Variants in CADM2 observed in about 807,000 individuals in gnomAD.
CADM2 encodes cell adhesion molecule 2, also known as immunoglobulin superfamily member 4D.
CADM2 carries 12 observed loss-of-function variants against 49.8 expected under a neutral mutation model. The ratio of observed to expected loss-of-function variants is 0.24; its 90% CI spans 0.15 to 0.39. The LOEUF (loss-of-function observed/expected upper bound fraction) is 0.39. CADM2 is among the 10% of genes least tolerant of loss of function. The pLI, the probability that CADM2 is intolerant of heterozygous loss-of-function variation, is 1.00. For synonymous variants in CADM2, 214 were observed against 175.4 expected (o/e 1.22, Z -1.74); for missense variants, 378 against 492.3 (o/e 0.77, Z 2.20).
chr3:85,501,178 G>T (rs1372585253), intron 1 of CADM2, among the ~76,000 whole-genome samples: 2 of 151,966 alleles, frequency 1.3e-5, no homozygotes, highest in African/African-American at 4.8e-5. Context: ...TAATGATTTG[G>T]TCAAAGCAAA....
intron 1 of CADM2, among the ~76,000 whole-genome samples, chr3:85,442,557 A>G (rs1342654064): frequency 1.4e-5 from 2 of 146,584 alleles, no homozygotes; most frequent in African/African-American, 5.1e-5. Flanking sequence ...ATAAAAGTCC[A>G]CATTCTATTT....
At chr3:85,515,487 G>A (rs2060872551) in intron 1 of CADM2, among the ~76,000 whole-genome samples, 1 of 147,384 alleles carries the variant, frequency 6.8e-6, no homozygotes, top group Non-Finnish European at 1.5e-5. Flanking sequence ...GCAGTGACAT[G>A]ATCTCGGCTC....
At chr3:85,602,422 T>G (rs1036712637) in intron 1 of CADM2, among the ~76,000 whole-genome samples, 10 of 151,848 alleles carry the variant, frequency 6.6e-5, no homozygotes, top group Non-Finnish European at 1.0e-4. Flanking sequence ...TGGAAAAGAT[T>G]ACGACTCTTC....
chr3:85,064,743 T>C (rs1337705700), intron 1 of CADM2, among the ~76,000 whole-genome samples: 5 of 152,142 alleles, frequency 3.3e-5, no homozygotes, highest in African/African-American at 4.8e-5. Flanking sequence ...CTAGATCATA[T>C]TGAAGTAGTT....
At chr3:85,044,077 G>C (rs1034533224) in intron 1 of CADM2, among the ~76,000 whole-genome samples, 1 of 152,034 alleles carries the variant, frequency 6.6e-6, no homozygotes, top group Non-Finnish European at 1.5e-5. Flanking sequence ...AGTAGGGAAA[G>C]GAACTAGATC....
chr3:85,014,008 G>T (rs1248901040), intron 1 of CADM2, among the ~76,000 whole-genome samples: 2 of 134,894 alleles, frequency 1.5e-5, no homozygotes, highest in Non-Finnish European at 3.2e-5. Flanking sequence ...TAATAATATT[G>T]TATATTATAT....
At chr3:85,199,209 A>G (rs995760597) in intron 1 of CADM2, among the ~76,000 whole-genome samples, 6 of 152,024 alleles carry the variant, frequency 3.9e-5, no homozygotes, top group African/African-American at 1.2e-4. Context: ...TACATGAGCA[A>G]TTGGTGAGAA....
chr3:85,499,661 T>C (rs1485999553), intron 1 of CADM2, among the ~76,000 whole-genome samples: 1 of 152,086 alleles, frequency 6.6e-6, no homozygotes, highest in African/African-American at 2.4e-5. Flanking sequence ...TTGATTTGGA[T>C]TCATGTACCT....
At chr3:85,604,482 C>T (rs1402201205) in intron 1 of CADM2, among the ~76,000 whole-genome samples, 1 of 151,932 alleles carries the variant, frequency 6.6e-6, no homozygotes, top group Non-Finnish European at 1.5e-5. Context: ...ATGTGAAACT[C>T]TGTGTTTGTG....
intron 1 of CADM2, among the ~76,000 whole-genome samples, chr3:85,109,749 T>G (rs1359633408): frequency 6.6e-6 from 1 of 151,984 alleles, no homozygotes; most frequent in East Asian, 1.9e-4. Context: ...TATGTAAAAT[T>G]TATAGTACAG....
intron 6 of CADM2, among the ~76,000 whole-genome samples, chr3:85,920,578 A>G (rs1371388621): frequency 6.6e-6 from 1 of 151,792 alleles, no homozygotes; most frequent in African/African-American, 2.4e-5. Context: ...AATTTTTTTC[A>G]GAGAAGTTAC....
At chr3:85,386,278 T>C (rs1455192292) in intron 1 of CADM2, among the ~76,000 whole-genome samples, 1 of 152,062 alleles carries the variant, frequency 6.6e-6, no homozygotes, top group African/African-American at 2.4e-5. Context: ...CATTTATAAA[T>C]AGGTAGAGAT....
intron 1 of CADM2, among the ~76,000 whole-genome samples, chr3:85,689,496 A>T (rs1471668451): frequency 6.6e-6 from 1 of 152,240 alleles, no homozygotes; most frequent in Non-Finnish European, 1.5e-5. Context: ...TATGCATCAC[A>T]GAGGACAGAT....
At chr3:85,374,850 C>T (rs7613186) in intron 1 of CADM2, among the ~76,000 whole-genome samples, 5,896 of 152,196 alleles carry the variant, frequency 0.039, 389 homozygotes, top group African/African-American at 0.13. Flanking sequence ...CCACCAGGTT[C>T]CTCCCATGAC....
chr3:85,782,813 C>G (rs9309991), intron 2 of CADM2, among the ~76,000 whole-genome samples: 22,021 of 151,784 alleles, frequency 0.15, 2,019 homozygotes, highest in Non-Finnish European at 0.2. Context: ...GTAATAAAAC[C>G]AAGTCTTAGA....
chr3:85,809,790 C>CTTTCTTTCTTTCTT (rs542554365), intron 3 of CADM2, among the ~76,000 whole-genome samples: 1 of 98,890 alleles, frequency 1.0e-5, no homozygotes, highest in Non-Finnish European at 2.0e-5. Flanking sequence ...CTCTCTCTCT[C>CTTTCTTTCTTTCTT]TCTTTCTTTC....
intron 1 of CADM2, among the ~76,000 whole-genome samples, chr3:85,061,866 C>T (rs1209911878): frequency 6.6e-6 from 1 of 151,928 alleles, no homozygotes; most frequent in Non-Finnish European, 1.5e-5. Flanking sequence ...ACTTTCTTCC[C>T]TTCTGAATCT....
intron 1 of CADM2, among the ~76,000 whole-genome samples, chr3:85,087,224 C>T (rs1379131759): frequency 1.3e-5 from 2 of 152,078 alleles, no homozygotes; most frequent in Admixed American, 6.6e-5. Context: ...CTGACTGTCT[C>T]AAGGGCTTTA....
At chr3:86,045,231 G>A (rs1447672655) in intron 8 of CADM2, among the ~76,000 whole-genome samples, 4 of 151,856 alleles carry the variant, frequency 2.6e-5, no homozygotes, top group Non-Finnish European at 4.4e-5. Flanking sequence ...GATAGTGTAA[G>A]CAAATATATA....
Sources: allele counts gnomAD v4.1 joint callset (sites outside exome capture counted in the v4.1 genomes callset), GRCh38; gene constraint gnomAD v4.1.1; transcripts MANE v1.5; gene names NCBI Gene and HGNC (gene_info 2026-07-23, HGNC 2026-07-21).